The following DEF6 variants were observed in gnomAD, a reference collection of about 807,000 sequenced individuals.
The protein encoded by DEF6 is differentially expressed in FDCP 6 homolog.
A neutral mutation model predicts 80.5 loss-of-function variants in DEF6; 32 were observed. That is an observed-to-expected ratio of 0.40 (90% CI 0.30 to 0.53). The LOEUF (loss-of-function observed/expected upper bound fraction) is 0.53. Among genes scored for constraint, DEF6 ranks in the 20% least tolerant of loss-of-function variants. DEF6 has a pLI of 0.57. For missense variants in DEF6, 575 were observed against 818.7 expected (o/e 0.70, Z 3.63); for synonymous variants, 300 against 337.9 (o/e 0.89, Z 1.23).
In DEF6 at chr6:35,301,633, C is replaced by G. The variant is rs572645553; in HGVS notation, c.96+3681C>G. 3.3e-5 allele frequency among the ~76,000 whole-genome samples: 5 copies of G among 151,854 alleles called. No individual in the cohort carries two copies. In the South Asian group the frequency reaches 1.0e-3, roughly 32 times the overall value. Reference sequence around the variant, plus strand: ...GACACAGCTAATCCAAAGATTCCCACCTTTTAAAATTTCCAGTGTTCCTCC... The same window carrying G: ...GACACAGCTAATCCAAAGATTCCCAGCTTTTAAAATTTCCAGTGTTCCTCC... On this transcript the variant is annotated intron_variant, in intron 1 of 10. Coordinates refer to ENST00000316637, the MANE Select transcript of DEF6 (RefSeq NM_022047.4).
Position 35,312,658 on chromosome 6 carries a change from G to C in DEF6, c.693G>C (p.Arg231Ser), listed in dbSNP as rs1438613686. ...GYLWKRGHLRRNWAERWFQLQ... is the reference protein window; with the variant it reads ...GYLWKRGHLRSNWAERWFQLQ... ...TGTGGAAGCGAGGGCACCTGAGAAG[G>C]AACTGGGCCGAACGCTGGTTCCAGC... The change falls in exon 5 of 11, where the codon AGG becomes AGC. Residue 231 changes from arginine to serine, a missense_variant. Physicochemically the swap from Arg to Ser is moderately radical, Grantham distance 110. Transcript: ENST00000316637. This position sits in a 1 kb window ranked among gnomAD's most constrained non-coding sequence, Gnocchi z 6.6. 1 of 1,613,912 alleles carries C rather than the reference G, an allele frequency of 6.2e-7. No homozygotes were observed. The highest frequency in any genetic ancestry group is 1.3e-5 in the African/African-American group (1 of 74,938).
chr6:35,318,394 G>A lies in DEF6; in HGVS notation c.1138G>A (p.Glu380Lys), dbSNP rs1056110864. Residue 380 changes from glutamate (E) to lysine (K), a missense_variant, in exon 7 of 11, where the codon GAG becomes AAG. Coordinates refer to ENST00000316637, the MANE Select transcript of DEF6 (RefSeq NM_022047.4). This position sits in a 1 kb window ranked among gnomAD's most constrained non-coding sequence, Gnocchi z 5.1. ...AQRQAERLLQ[E>K]EEERRRSQHR... is the part of the protein sequence containing the mutation. The stretch of plus-strand genomic sequence containing the variant: ...GCGGCAGGCCGAGCGGCTGCTGCAG[G>A]AGGAGGAGGAACGGCGCCGCAGCCA... The A allele has an allele frequency of 3.3e-6, 5 of 1,532,460 alleles. No homozygotes were observed. The highest frequency in any genetic ancestry group is 2.8e-5 in the African/African-American group (2 of 72,426). 94.9% of individuals were successfully genotyped at this position (1,532,460 alleles called of 1,614,324 possible).
intron 1 of DEF6, among the ~76,000 whole-genome samples, chr6:35,309,028 A>G (rs1431081387): frequency 2.6e-5 from 4 of 152,076 alleles, no homozygotes; most frequent in Non-Finnish European, 5.9e-5. Flanking sequence ...GTCATGGACC[A>G]TTTTTCATGA....
In DEF6 at chr6:35,318,006, G is replaced by A. The variant is rs1210211445; in HGVS notation, c.916+7G>A. 6.2e-7 allele frequency: 1 copy of A among 1,611,094 alleles called. No individual in the cohort carries two copies. Among genetic ancestry groups the A allele is most frequent in the African/African-American group, 1.3e-5 (1 of 74,992 alleles). ...CGCCAGGAGTGGACAGCTGGTGAGTGCTCGCTAGGTGGCTTGGGTCTGGGT... is the reference window on the plus strand; with the variant it reads ...CGCCAGGAGTGGACAGCTGGTGAGTACTCGCTAGGTGGCTTGGGTCTGGGT... On this transcript the variant is annotated splice_region_variant and intron_variant, in intron 6 of 10. Transcript: ENST00000316637. This position sits in a 1 kb window ranked among gnomAD's most constrained non-coding sequence, Gnocchi z 5.1.
chr6:35,320,962 A>G lies in DEF6; in HGVS notation c.1660A>G (p.Ile554Val), dbSNP rs1490000852. Residue 554 changes from isoleucine to valine, a missense_variant, in exon 10 of 11, where the codon ATT becomes GTT. Coordinates refer to ENST00000316637, the MANE Select transcript of DEF6 (RefSeq NM_022047.4). Reference sequence around the variant, plus strand: ...CCAGATGAACCGGCTGATGCATCCAATTGAGCCTGGAGGTGAGAAGGAATA... The same window carrying G: ...CCAGATGAACCGGCTGATGCATCCAGTTGAGCCTGGAGGTGAGAAGGAATA... ...NVQMNRLMHP[I>V]EPGDKRPVTS... 1.9e-6 allele frequency: 3 copies of G among 1,612,906 alleles called. No individual in the cohort carries two copies. The highest frequency in any genetic ancestry group is 1.3e-5 in the African/African-American group (1 of 74,848).
At chr6:35,311,875 G>A (rs1791473136) in intron 3 of DEF6, among the ~76,000 whole-genome samples, 1 of 152,216 alleles carries the variant, frequency 6.6e-6, no homozygotes, top group Non-Finnish European at 1.5e-5. Context: ...ATCAGAATCG[G>A]GTTCTGGCTG....
rs368944979 is a variant in DEF6 at position 35,321,178 on chromosome 6, C to G, written c.1673-9C>G. On this transcript the variant is annotated splice_polypyrimidine_tract_variant and intron_variant, in intron 10 of 10. Coordinates refer to ENST00000316637, the MANE Select transcript of DEF6 (RefSeq NM_022047.4). ...CTTTCTCCTTACTTGCCTGCCTTCT[C>G]TCTGCCAGATAAGCGTCCGGTCACC... is the stretch of plus-strand genomic sequence containing the variant. The G allele has an allele frequency of 3.0e-5, 48 of 1,611,484 alleles. No individual in the cohort carries two copies. Among genetic ancestry groups the G allele is most frequent in the South Asian group, 5.5e-5 (5 of 90,980 alleles).
At chr6:35,303,273 A>C (rs1408554963) in intron 1 of DEF6, among the ~76,000 whole-genome samples, 2 of 152,230 alleles carry the variant, frequency 1.3e-5, no homozygotes, top group Non-Finnish European at 2.9e-5. Context: ...GGGCGACAGA[A>C]CTAAGCTCAA....
At chr6:35,311,787 C>T (rs1168494280) in intron 3 of DEF6, among the ~76,000 whole-genome samples, 1 of 152,242 alleles carries the variant, frequency 6.6e-6, no homozygotes, top group Non-Finnish European at 1.5e-5. Context: ...CCCCAAATCC[C>T]CTTCCTCTCC....
At chr6:35,308,053 C>T (rs983997793) in intron 1 of DEF6, among the ~76,000 whole-genome samples, 13 of 152,124 alleles carry the variant, frequency 8.5e-5, no homozygotes, top group African/African-American at 2.2e-4. Context: ...CACAATCCAA[C>T]GGAGGAGGGA....
intron 1 of DEF6, among the ~76,000 whole-genome samples, chr6:35,305,962 G>A (rs962667523): frequency 2.0e-5 from 3 of 151,844 alleles, no homozygotes; most frequent in Admixed American, 6.6e-5. Flanking sequence ...GCACAATCTC[G>A]GCTCACTGCA....
At chr6:35,307,027 A>G (rs567495009) in intron 1 of DEF6, among the ~76,000 whole-genome samples, 1 of 152,294 alleles carries the variant, frequency 6.6e-6, no homozygotes, top group East Asian at 1.9e-4. Context: ...GTTTGTCTCC[A>G]TTTTTTCATA....
chr6:35,299,446 C>G (rs982374408), intron 1 of DEF6, among the ~76,000 whole-genome samples: 20 of 152,262 alleles, frequency 1.3e-4, no homozygotes, highest in African/African-American at 4.6e-4. Flanking sequence ...GAGACCTCTC[C>G]AGGCTCTCTC....
chr6:35,315,650 T>A (rs1360070264), intron 5 of DEF6, among the ~76,000 whole-genome samples: 1 of 152,144 alleles, frequency 6.6e-6, no homozygotes, highest in East Asian at 1.9e-4. Context: ...TTTTCTTGTA[T>A]AGATCTTTCA....
rs1003497859 is a variant in DEF6 at position 35,320,983 on chromosome 6, G to A, written c.1672+9G>A. The stretch of plus-strand genomic sequence containing the variant: ...TCCAATTGAGCCTGGAGGTGAGAAG[G>A]AATAGACTCTGGAGCTTTCCCTGGA... On this transcript the variant is annotated intron_variant, in intron 10 of 10. Coordinates refer to ENST00000316637, the MANE Select transcript of DEF6 (RefSeq NM_022047.4). The A allele has an allele frequency of 1.6e-5, 25 of 1,612,552 alleles. No individual in the cohort carries two copies. The highest frequency in any genetic ancestry group is 2.1e-5 in the Non-Finnish European group (25 of 1,179,150).
At chr6:35,308,186 C>T (rs6913037) in intron 1 of DEF6, among the ~76,000 whole-genome samples, 102,791 of 152,016 alleles carry the variant, frequency 0.68, 37,914 homozygotes, top group Non-Finnish European at 0.82. Flanking sequence ...GAAAAACAGG[C>T]TTAATAATAT....
At position 35,321,347 on chromosome 6, in the gene DEF6, T is replaced by G. The variant is rs2150389699; in HGVS notation, c.1833T>G (p.Asp611Glu). ...NEQQKSLNGG[D>E]EAPAPASTPQ... The stretch of plus-strand genomic sequence containing the variant: ...AGCAGAAGTCCCTCAATGGTGGGGA[T>G]GAGGCTCCTGCCCCGGCTTCCACCC... Residue 611 changes from aspartate (D) to glutamate (E), a missense_variant, in exon 11 of 11, where the codon GAT (aspartate) becomes GAG (glutamate). Physicochemically the swap from Asp to Glu is conservative, Grantham distance 45. Transcript: ENST00000316637. 6.2e-7 allele frequency: 1 copy of G among 1,614,130 alleles called. No homozygotes were observed. The highest frequency in any genetic ancestry group is 1.1e-5 in the South Asian group (1 of 91,080).
At chr6:35,310,894 G>A (rs1791457972) in intron 3 of DEF6, among the ~76,000 whole-genome samples, 1 of 152,184 alleles carries the variant, frequency 6.6e-6, no homozygotes, top group South Asian at 2.1e-4. Flanking sequence ...CTCACTGTAG[G>A]AAAATGATCT....
At chr6:35,317,826 C>A in intron 5 of DEF6, 65 bp from the exon 6 acceptor site, 1 of 1,454,452 alleles carries the variant, frequency 6.9e-7, no homozygotes, top group Non-Finnish European at 9.4e-7. Context: ...CTGGAGCACC[C>A]TTGGGGCAGG....
Sources: allele counts gnomAD v4.1 joint callset (sites outside exome capture counted in the v4.1 genomes callset), GRCh38; gene constraint gnomAD v4.1.1; non-coding constraint Gnocchi (gnomAD v3.1); transcripts MANE v1.5; gene names NCBI Gene and HGNC (gene_info 2026-07-23, HGNC 2026-07-21).